Variants in GPC5 observed in about 807,000 individuals in gnomAD.
GPC5 encodes the protein glypican 5.
In GPC5, 47 loss-of-function variants were observed where a neutral mutation model predicts 53.9. That is an observed-to-expected ratio of 0.87 (90% CI 0.69 to 1.11). The LOEUF is 1.11. Ranked by LOEUF, GPC5 falls within the 50% of genes most tolerant of loss-of-function variation. The pLI is 0.00. For synonymous variants in GPC5, 286 were observed against 263.3 expected (o/e 1.09, Z -0.84); for missense variants, 748 against 713.1 (o/e 1.05, Z -0.56).
intron 6 of GPC5, among the ~76,000 whole-genome samples, chr13:91,983,302 C>A (rs1169825489): frequency 6.6e-6 from 1 of 151,602 alleles, no homozygotes; most frequent in Non-Finnish European, 1.5e-5. Context: ...GCTGAGATAG[C>A]GCCACTGCAC....
chr13:92,061,211 T>C (rs2882954), intron 6 of GPC5, among the ~76,000 whole-genome samples: 84,943 of 151,772 alleles, frequency 0.56, 24,203 homozygotes, highest in East Asian at 0.79. Context: ...CAAGAGATGA[T>C]ATAACGTATC....
At chr13:92,227,502 T>C (rs1044201181) in intron 7 of GPC5, among the ~76,000 whole-genome samples, 1 of 152,206 alleles carries the variant, frequency 6.6e-6, no homozygotes, top group African/African-American at 2.4e-5. Flanking sequence ...TTATCTATTA[T>C]GGTCTCCTTT....
At chr13:92,646,295 T>G (rs1347581018) in intron 7 of GPC5, among the ~76,000 whole-genome samples, 4 of 152,258 alleles carry the variant, frequency 2.6e-5, no homozygotes, top group Admixed American at 1.3e-4. Flanking sequence ...CTTTCACCAT[T>G]GAAAATCAAT....
At chr13:92,306,060 G>A (rs559428900) in intron 7 of GPC5, among the ~76,000 whole-genome samples, 9 of 152,344 alleles carry the variant, frequency 5.9e-5, no homozygotes, top group Admixed American at 4.6e-4. Context: ...ATTAAGTCCA[G>A]CTGTGACTTT....
At chr13:92,587,947 G>A (rs1279782632) in intron 7 of GPC5, among the ~76,000 whole-genome samples, 1 of 151,798 alleles carries the variant, frequency 6.6e-6, no homozygotes, top group Non-Finnish European at 1.5e-5. Flanking sequence ...TGGGATACAT[G>A]TGCTGAACAT....
chr13:92,492,254 G>C (rs1361843924), intron 7 of GPC5, among the ~76,000 whole-genome samples: 1 of 151,902 alleles, frequency 6.6e-6, no homozygotes, highest in Admixed American at 6.6e-5. Context: ...ATTTTGAATA[G>C]AGTAACACAT....
intron 7 of GPC5, among the ~76,000 whole-genome samples, chr13:92,223,326 G>A (rs1387175808): frequency 1.3e-5 from 2 of 152,026 alleles, no homozygotes; most frequent in African/African-American, 4.8e-5. Context: ...ACCCTATTCT[G>A]GAGATAAAAT....
intron 5 of GPC5, among the ~76,000 whole-genome samples, chr13:91,847,299 A>G (rs543710056): frequency 6.6e-6 from 1 of 152,112 alleles, no homozygotes; most frequent in Admixed American, 6.5e-5. Flanking sequence ...GTGACTTTTA[A>G]AAGACTCCTT....
chr13:92,825,402 G>A (rs1442242000), intron 7 of GPC5, among the ~76,000 whole-genome samples: 1 of 151,904 alleles, frequency 6.6e-6, no homozygotes, highest in Non-Finnish European at 1.5e-5. Flanking sequence ...AGACAAGGGT[G>A]GTATATAATT....
intron 2 of GPC5, among the ~76,000 whole-genome samples, chr13:91,678,742 T>C (rs550066780): frequency 7.2e-4 from 110 of 152,144 alleles, no homozygotes; most frequent in African/African-American, 2.6e-3. Context: ...TTTTTGTTTT[T>C]TTTTTTGTAC....
chr13:91,830,022 C>T (rs1227299938), intron 5 of GPC5, among the ~76,000 whole-genome samples: 5 of 151,926 alleles, frequency 3.3e-5, no homozygotes, highest in Non-Finnish European at 5.9e-5. Flanking sequence ...TGAGAGCAAC[C>T]GGTCTGACCA....
chr13:92,636,334 T>A (rs202056700), intron 7 of GPC5, among the ~76,000 whole-genome samples: 1 of 152,178 alleles, frequency 6.6e-6, no homozygotes, highest in East Asian at 1.9e-4. Context: ...AAAATCATTA[T>A]CATCTTGCAA....
intron 7 of GPC5, among the ~76,000 whole-genome samples, chr13:92,682,978 G>A (rs938193445): frequency 6.6e-6 from 1 of 152,108 alleles, no homozygotes; most frequent in African/African-American, 2.4e-5. Context: ...CAAGAATGAG[G>A]AAAGTAGGAC....
At chr13:92,613,532 T>C (rs1244903365) in intron 7 of GPC5, among the ~76,000 whole-genome samples, 1 of 71,368 alleles carries the variant, frequency 1.4e-5, no homozygotes, top group African/African-American at 5.8e-5. Flanking sequence ...ATAATTTATA[T>C]ATAAAATATA....
chr13:91,927,119 A>T (rs1196931612), intron 6 of GPC5, among the ~76,000 whole-genome samples: 2 of 152,178 alleles, frequency 1.3e-5, no homozygotes, highest in Non-Finnish European at 2.9e-5. Flanking sequence ...ATTTATTCTA[A>T]TGAATTATGA....
intron 7 of GPC5, among the ~76,000 whole-genome samples, chr13:92,505,179 AT>A (rs1398251500): frequency 6.6e-6 from 1 of 151,826 alleles, no homozygotes; most frequent in Non-Finnish European, 1.5e-5. Context: ...TTTAACAGTA[AT>A]TTTAAAGAGC....
At chr13:92,160,498 C>T (rs766186374) in intron 7 of GPC5, among the ~76,000 whole-genome samples, 6 of 152,074 alleles carry the variant, frequency 3.9e-5, no homozygotes, top group Non-Finnish European at 7.3e-5. Context: ...AAGATAATCA[C>T]ATAGAAAATT....
At chr13:91,492,347 G>A (rs1883986917) in intron 2 of GPC5, among the ~76,000 whole-genome samples, 1 of 152,162 alleles carries the variant, frequency 6.6e-6, no homozygotes, top group Non-Finnish European at 1.5e-5. Context: ...AGACCGAGAA[G>A]TTCCATGATC....
chr13:91,512,240 C>T (rs562771538), intron 2 of GPC5, among the ~76,000 whole-genome samples: 8 of 152,208 alleles, frequency 5.3e-5, no homozygotes, highest in East Asian at 1.9e-4. Flanking sequence ...CTCTGCTTTA[C>T]GTAGTGCAGC....
Sources: gnomAD v4.1 joint callset for allele counts (sites outside exome capture counted in the v4.1 genomes callset) on GRCh38, gnomAD v4.1.1 for gene constraint, MANE v1.5 for transcripts, NCBI Gene and HGNC (gene_info 2026-07-23, HGNC 2026-07-21) for gene names.